The following SREBF2 variants were observed in gnomAD, a reference collection of about 807,000 sequenced individuals.
The protein encoded by SREBF2 is sterol regulatory element binding transcription factor 2.
A neutral mutation model predicts 113.1 loss-of-function variants in SREBF2; 55 were observed. The ratio of observed to expected loss-of-function variants is 0.49; its 90% confidence interval spans 0.39 to 0.61. The LOEUF (loss-of-function observed/expected upper bound fraction) is 0.61. Among genes scored for constraint, SREBF2 ranks in the 20% least tolerant of loss-of-function variants. SREBF2 has a pLI of 0.00. For missense variants in SREBF2, 1,349 were observed against 1,487.4 expected, an observed-to-expected ratio of 0.91 and a Z score of 1.53; for synonymous variants, 593 against 605.7, an observed-to-expected ratio of 0.98 and a Z score of 0.31.
intron 1 of SREBF2, among the ~76,000 whole-genome samples, chr22:41,846,871 G>A (rs551266387): frequency 1.3e-5 from 2 of 152,200 alleles, no homozygotes; most frequent in East Asian, 1.9e-4. Flanking sequence ...TGCCCTTGTC[G>A]CAGTTTATGG....
chr22:41,904,419 G>C (rs1192372778), intron 17 of SREBF2: 3 of 378,940 alleles, frequency 7.9e-6, no homozygotes, highest in Non-Finnish European at 1.6e-5. Flanking sequence ...CACACCTCTA[G>C]ACTCTCTTCC....
chr22:41,884,297 A>C (rs1044976255), intron 10 of SREBF2, among the ~76,000 whole-genome samples: 1 of 152,142 alleles, frequency 6.6e-6, no homozygotes, highest in African/African-American at 2.4e-5. Flanking sequence ...CACCACGTCC[A>C]GCTAATTTTT....
At chr22:41,870,645 A>T (rs896794121) in intron 3 of SREBF2, among the ~76,000 whole-genome samples, 7 of 151,400 alleles carry the variant, frequency 4.6e-5, no homozygotes, top group African/African-American at 1.7e-4. Flanking sequence ...AAAAAAAAAA[A>T]AAAAAAGCCA....
intron 1 of SREBF2, 105 bp from the exon 2 acceptor site, chr22:41,866,726 T>G: frequency 7.4e-7 from 1 of 1,342,632 alleles, no homozygotes; most frequent in Non-Finnish European, 1.1e-6. Flanking sequence ...ATTTCTGCCA[T>G]GGTCTTAGGA....
intron 9 of SREBF2, among the ~76,000 whole-genome samples, 178 bp downstream of exon 9, chr22:41,878,301 C>G (rs549373020): frequency 6.6e-6 from 1 of 152,120 alleles, no homozygotes; most frequent in Admixed American, 6.5e-5. Flanking sequence ...ATTCCAGGGA[C>G]ATGAGATGAT....
At chr22:41,857,404 CG>C (rs1329465389) in intron 1 of SREBF2, among the ~76,000 whole-genome samples, 1 of 152,140 alleles carries the variant, frequency 6.6e-6, no homozygotes, top group Non-Finnish European at 1.5e-5. Context: ...CCATGAGAGG[CG>C]GGGAGAGAGA....
chr22:41,864,444 C>T (rs1384514998), intron 1 of SREBF2, among the ~76,000 whole-genome samples: 1 of 149,676 alleles, frequency 6.7e-6, no homozygotes, highest in Admixed American at 6.7e-5. Context: ...ACTCAGCCTC[C>T]CGAGTAGCTT....
At chr22:41,853,120 A>G (rs2076947570) in intron 1 of SREBF2, among the ~76,000 whole-genome samples, 2 of 152,194 alleles carry the variant, frequency 1.3e-5, no homozygotes, top group African/African-American at 4.8e-5. Flanking sequence ...CCTCAACCCC[A>G]TGTAAACCAG....
chr22:41,866,986 G>A lies in SREBF2; in HGVS notation c.244G>A (p.Gly82Arg), dbSNP rs755835024. ...SSSNGRGSSSGAVDPSVQRSF... is the reference protein window; with the variant it reads ...SSSNGRGSSSRAVDPSVQRSF... The stretch of plus-strand genomic sequence containing the variant: ...CAGCAATGGCAGGGGCAGCAGCAGC[G>A]GAGCTGTGGACCCTTCAGTGCAACG... Residue 82 changes from glycine (G) to arginine (R), a missense_variant, in exon 2 of 19, where the codon GGA becomes AGA. Transcript: ENST00000361204. 7.4e-6 allele frequency: 12 copies of A among 1,613,786 alleles called. No individual in the cohort carries two copies. The highest frequency in any genetic ancestry group is 1.6e-4 in the Middle Eastern group (1 of 6,082).
In SREBF2 at chr22:41,904,528, A is replaced by G. The variant is rs921985758; in HGVS notation, c.3094-335A>G. 9.2e-6 allele frequency: 5 copies of G among 541,118 alleles called. No individual in the cohort carries two copies. The East Asian group carries it at 2.4e-4, about 26-fold the overall frequency. The allele number at this position is 541,118 out of a possible 1,614,324, so 33.5% of individuals were successfully genotyped here. On this transcript the variant is annotated intron_variant, in intron 17 of 18. Transcript: ENST00000361204. Reference sequence around the variant, plus strand: ...CCTGTCACACCTGTCCTTTTGTCAAACTGCAGGCAGCCTCCAGGGCCTTGG... The same window carrying G: ...CCTGTCACACCTGTCCTTTTGTCAAGCTGCAGGCAGCCTCCAGGGCCTTGG...
At chr22:41,851,297 CT>C (rs2076928093) in intron 1 of SREBF2, among the ~76,000 whole-genome samples, 1 of 151,934 alleles carries the variant, frequency 6.6e-6, no homozygotes, top group Non-Finnish European at 1.5e-5. Context: ...CAACCACTGG[CT>C]TTTATTCAAA....
intron 14 of SREBF2, among the ~76,000 whole-genome samples, chr22:41,897,570 C>T (rs1195535472): frequency 6.6e-6 from 1 of 152,224 alleles, no homozygotes; most frequent in Non-Finnish European, 1.5e-5. Context: ...CTCTCTACCA[C>T]TCCTCAGCCC....
Position 41,880,991 on chromosome 22 carries a change from A to G in SREBF2, c.2037A>G (p.Thr679=), listed in dbSNP as rs767844894. ...ACCGGCTGCACCAGCTGCACATCAC[A>G]GGTGAGGGGGCAGCTGCTGCTGCCT... ...AYHRLHQLHI[T]GKLPAGSACS... The change falls in exon 10 of 19, where the codon ACA becomes ACG. Residue 679 remains threonine, a splice_region_variant and synonymous_variant. Transcript: ENST00000361204. The G allele has an allele frequency of 1.9e-6, 3 of 1,606,254 alleles. No individual in the cohort carries two copies. Among genetic ancestry groups the G allele is most frequent in the South Asian group, 2.2e-5 (2 of 90,994 alleles).
chr22:41,898,527 TG>T, intron 14 of SREBF2, 121 bp from the exon 15 acceptor site: 1 of 1,340,024 alleles, frequency 7.5e-7, no homozygotes, highest in Non-Finnish European at 1.0e-6. Flanking sequence ...CAGAGGCTGC[TG>T]GCCCGTTCCC....
In SREBF2 at chr22:41,905,430, C is replaced by T. The variant is rs41276325; in HGVS notation, c.3206-10C>T. 0.019 allele frequency: 29,384 copies of T among 1,564,448 alleles called. 703 individuals carry two copies. The highest frequency in any genetic ancestry group is 0.11 in the African/African-American group (7,994 of 74,338). ...GATTCTCGGTTGTGACACACATCTCCTTCCCACAGGAGAGGTGGATGCCTG... is the reference window on the plus strand; with the variant it reads ...GATTCTCGGTTGTGACACACATCTCTTTCCCACAGGAGAGGTGGATGCCTG... On this transcript the variant is annotated splice_polypyrimidine_tract_variant and intron_variant, in intron 18 of 18. Transcript: ENST00000361204.
At chr22:41,880,284 G>A (rs62240965) in intron 9 of SREBF2, among the ~76,000 whole-genome samples, 1,616 of 151,948 alleles carry the variant, frequency 0.011, 21 homozygotes, top group Non-Finnish European at 0.017. Flanking sequence ...GGGCATGGTG[G>A]CTCACGCCTG....
chr22:41,862,958 A>G (rs1299851916), intron 1 of SREBF2, among the ~76,000 whole-genome samples: 1 of 152,208 alleles, frequency 6.6e-6, no homozygotes, highest in Non-Finnish European at 1.5e-5. Flanking sequence ...CGCTTCGTGA[A>G]CTAAGCTTTC....
In SREBF2 at chr22:41,906,245, C is replaced by T. The variant is rs1186784375; in HGVS notation, c.*585C>T. The T allele has an allele frequency of 1.3e-5, 4 of 297,064 alleles. No homozygotes were observed. The Admixed American group carries it at 1.5e-4, about 11-fold the overall frequency. 18.4% of individuals were successfully genotyped at this position (297,064 alleles called of 1,614,324 possible). On this transcript the variant is annotated 3_prime_UTR_variant, in exon 19 of 19. Coordinates refer to ENST00000361204, the MANE Select transcript of SREBF2 (RefSeq NM_004599.4). ...TTGTTTTTCCCTTTATTACACAGGACAGCCAGGGGAGGAGGGGGGCCCAGC... is the reference window on the plus strand; with the variant it reads ...TTGTTTTTCCCTTTATTACACAGGATAGCCAGGGGAGGAGGGGGGCCCAGC...
intron 1 of SREBF2, among the ~76,000 whole-genome samples, chr22:41,851,833 C>G (rs1249214855): frequency 6.7e-6 from 1 of 148,896 alleles, no homozygotes; most frequent in Non-Finnish European, 1.5e-5. Context: ...AAAAAAAAAA[C>G]AAAGCGGCCG....
Sources: gnomAD v4.1 joint callset for allele counts (sites outside exome capture counted in the v4.1 genomes callset) on GRCh38, gnomAD v4.1.1 for gene constraint, MANE v1.5 for transcripts, NCBI Gene and HGNC (gene_info 2026-07-23, HGNC 2026-07-21) for gene names.